The following PPP3CC variants were observed in gnomAD, a reference collection of about 807,000 sequenced individuals.
The protein encoded by PPP3CC is serine/threonine-protein phosphatase 2B catalytic subunit gamma isoform.
In PPP3CC, 35 loss-of-function variants were observed where a neutral mutation model predicts 60.3. That is an observed-to-expected ratio of 0.58 (90% CI 0.44 to 0.77). The LOEUF (loss-of-function observed/expected upper bound fraction) is 0.77. Ranked by LOEUF, PPP3CC falls within the 30% of genes least tolerant of loss-of-function variation. The pLI, the probability that PPP3CC is intolerant of heterozygous loss-of-function variation, is 0.00. For missense variants in PPP3CC, 570 were observed against 628.9 expected (o/e 0.91, Z 1.00); for synonymous variants, 206 against 224.3 (o/e 0.92, Z 0.73).
chr8:22,506,798 C>T (rs908926758), intron 4 of PPP3CC, among the ~76,000 whole-genome samples: 4 of 151,926 alleles, frequency 2.6e-5, no homozygotes, highest in South Asian at 2.1e-4. Context: ...AAAAATTAGC[C>T]GGGTGTGGTG....
chr8:22,475,147 C>A lies in PPP3CC; in HGVS notation c.243C>A (p.Ile81=). The A allele has an allele frequency of 1.2e-6, 2 of 1,609,356 alleles. No homozygotes were observed. Among genetic ancestry groups the A allele is most frequent in the Non-Finnish European group, 8.5e-7 (1 of 1,176,842 alleles). ...CTATGATAGAAGTAGATGCTCCAAT[C>A]ACAGGTATAAAAAGTCTTTGCATGA... ...EKTMIEVDAP[I]TVCGDIHGQF... is the part of the protein sequence containing the mutation. The change falls in exon 2 of 14, where the codon ATC becomes ATA. Residue 81 remains isoleucine, a synonymous_variant. Coordinates refer to ENST00000240139, the MANE Select transcript of PPP3CC (RefSeq NM_005605.5).
At chr8:22,502,827 C>A (rs556320569) in intron 4 of PPP3CC, among the ~76,000 whole-genome samples, 1 of 152,218 alleles carries the variant, frequency 6.6e-6, no homozygotes, top group African/African-American at 2.4e-5. Context: ...CAGAAGAAAT[C>A]ATTAACAGTG....
chr8:22,460,985 A>G (rs985626681), intron 1 of PPP3CC, among the ~76,000 whole-genome samples: 3 of 152,144 alleles, frequency 2.0e-5, no homozygotes, highest in Middle Eastern at 3.4e-3. Context: ...AGCTGGAACT[A>G]CAGGTGTCTA....
Position 22,479,838 on chromosome 8 carries a change from G to GT in PPP3CC, c.372+4216dup, listed in dbSNP as rs74313577. ...TTGGTATGTCTGAAGAAAAGAGAAG[G>GT]TTAGGTTTTATGAGAAAGAAAAATG... On this transcript the variant is annotated intron_variant, in intron 3 of 13. Transcript: ENST00000240139. Among the ~76,000 whole-genome samples, 7 of 152,206 alleles carry GT rather than the reference G, an allele frequency of 4.6e-5. No individual in the cohort carries two copies. The East Asian group carries it at 1.3e-3, about 29-fold the overall frequency.
chr8:22,484,284 G>C (rs1481130091), intron 3 of PPP3CC, among the ~76,000 whole-genome samples: 1 of 151,962 alleles, frequency 6.6e-6, no homozygotes, highest in Non-Finnish European at 1.5e-5. Flanking sequence ...AATTTTTTTA[G>C]GGATTTCTGG....
intron 3 of PPP3CC, among the ~76,000 whole-genome samples, chr8:22,497,374 G>A (rs1459938407): frequency 6.6e-6 from 1 of 151,494 alleles, no homozygotes; most frequent in South Asian, 2.1e-4. Context: ...TGTTGCCCAG[G>A]TTAGCCTTGA....
chr8:22,441,609 A>G, intron 1 of PPP3CC, 151 bp downstream of exon 1: 1 of 844,336 alleles, frequency 1.2e-6, no homozygotes, highest in South Asian at 3.3e-5. Context: ...AGCCTCCGAG[A>G]GCAGCCACCC....
intron 1 of PPP3CC, among the ~76,000 whole-genome samples, chr8:22,454,839 C>T (rs985133778): frequency 2.0e-5 from 3 of 151,930 alleles, no homozygotes; most frequent in East Asian, 3.9e-4. Context: ...GAGGCCGAGG[C>T]GGGTGGATCA....
intron 3 of PPP3CC, among the ~76,000 whole-genome samples, chr8:22,476,016 A>T (rs1563710924): frequency 6.6e-6 from 1 of 152,226 alleles, no homozygotes. Context: ...ATTAACTGCC[A>T]GTGCTAAATA....
At chr8:22,521,754 T>C (rs748211607) in intron 6 of PPP3CC, among the ~76,000 whole-genome samples, 2 of 152,188 alleles carry the variant, frequency 1.3e-5, no homozygotes, top group African/African-American at 2.4e-5. Flanking sequence ...TTTTGTATAC[T>C]CCAGTTCTTC....
intron 3 of PPP3CC, among the ~76,000 whole-genome samples, chr8:22,479,577 G>A (rs989008324): frequency 6.6e-6 from 1 of 151,572 alleles, no homozygotes; most frequent in Admixed American, 6.6e-5. Context: ...AACCTCGTCT[G>A]TACTAAAAAT....
chr8:22,540,631 G>A lies in PPP3CC; in HGVS notation c.1368G>A (p.Ser456=), dbSNP rs780446877. Residue 456 remains serine, a synonymous_variant, in exon 14 of 14, where the codon TCG becomes TCA. Coordinates refer to ENST00000240139, the MANE Select transcript of PPP3CC (RefSeq NM_005605.5). ...TTTCTGTAGCCATCAGAGGGTTCTC[G>A]CTTCAGCACAAGATCCGGAGTTTTG... is the stretch of plus-strand genomic sequence containing the variant. The part of the protein sequence containing the change: ...VEAREAIRGF[S]LQHKIRSFEE... 5 of 1,613,362 alleles carry A rather than the reference G, an allele frequency of 3.1e-6. No homozygotes were observed. The highest frequency in any genetic ancestry group is 1.3e-5 in the African/African-American group (1 of 75,000).
Position 22,540,891 on chromosome 8 carries a change from C to A in PPP3CC, c.*89C>A. On this transcript the variant is annotated 3_prime_UTR_variant, in exon 14 of 14. Transcript: ENST00000240139. ...TTGGAAAATGAAAAGCAACTCAAAACAACTTCAACGTGGAGGTGCATTTAT... is the reference window on the plus strand; with the variant it reads ...TTGGAAAATGAAAAGCAACTCAAAAAAACTTCAACGTGGAGGTGCATTTAT... The A allele has an allele frequency of 8.1e-7, 1 of 1,232,710 alleles. No individual in the cohort carries two copies. The highest frequency in any genetic ancestry group is 1.1e-6 in the Non-Finnish European group (1 of 932,730). The allele number at this position is 1,232,710 out of a possible 1,614,324, so 76.4% of individuals were successfully genotyped here.
At chr8:22,533,360 T>C (rs1175247231) in intron 12 of PPP3CC, among the ~76,000 whole-genome samples, 1 of 152,116 alleles carries the variant, frequency 6.6e-6, no homozygotes, top group Non-Finnish European at 1.5e-5. Flanking sequence ...TAAAAATACA[T>C]GATTAAGAGA....
chr8:22,524,030 C>T (rs983064913), intron 8 of PPP3CC, among the ~76,000 whole-genome samples: 4 of 152,076 alleles, frequency 2.6e-5, no homozygotes, highest in Admixed American at 2.0e-4. Context: ...CTCTGAGCCT[C>T]ATCTTTAAAA....
intron 11 of PPP3CC, 93 bp downstream of exon 11, chr8:22,532,399 A>G (rs1839740437): frequency 9.3e-7 from 1 of 1,080,788 alleles, no homozygotes; most frequent in Non-Finnish European, 1.4e-6. Flanking sequence ...ATTGGAATGT[A>G]GTATTGAAAC....
intron 9 of PPP3CC, among the ~76,000 whole-genome samples, chr8:22,527,878 G>A (rs1039089588): frequency 2.6e-5 from 4 of 152,036 alleles, no homozygotes; most frequent in East Asian, 1.9e-4. Flanking sequence ...TAAGTGATCC[G>A]CCCTCCTCAG....
intron 13 of PPP3CC, among the ~76,000 whole-genome samples, chr8:22,540,049 C>G (rs577252981): frequency 6.6e-6 from 1 of 152,310 alleles, no homozygotes; most frequent in Non-Finnish European, 1.5e-5. Context: ...AATGCCTTAA[C>G]TTGGTGTTAT....
intron 4 of PPP3CC, among the ~76,000 whole-genome samples, chr8:22,501,716 A>G (rs1838767629): frequency 6.6e-6 from 1 of 152,126 alleles, no homozygotes; most frequent in African/African-American, 2.4e-5. Flanking sequence ...CAGTTTTTAA[A>G]AGGCTCACCT....
Sources: allele counts gnomAD v4.1 joint callset (sites outside exome capture counted in the v4.1 genomes callset), GRCh38; gene constraint gnomAD v4.1.1; transcripts MANE v1.5; gene names NCBI Gene and HGNC (gene_info 2026-07-23, HGNC 2026-07-21).